Variants in DPYD observed in about 807,000 individuals in gnomAD.
The protein encoded by DPYD is dihydropyrimidine dehydrogenase [NADP(+)].
A neutral mutation model predicts 116.2 loss-of-function variants in DPYD; 109 were observed. The ratio of observed to expected loss-of-function variants is 0.94; its 90% CI spans 0.80 to 1.10. DPYD has a LOEUF of 1.10. Among genes scored for constraint, DPYD ranks in the 50% least tolerant of loss-of-function variants. DPYD has a pLI of 0.00. For missense variants in DPYD, 1,302 were observed against 1,254.5 expected (o/e 1.04, Z -0.57); for synonymous variants, 440 against 432.0 (o/e 1.02, Z -0.23).
intron 3 of DPYD, among the ~76,000 whole-genome samples, chr1:97,806,219 C>A (rs1353112193): frequency 1.3e-5 from 2 of 151,896 alleles, no homozygotes; most frequent in African/African-American, 2.4e-5. Context: ...TATAATCTTA[C>A]ACATTTTATT....
chr1:97,155,522 C>A (rs897344878), intron 20 of DPYD, among the ~76,000 whole-genome samples: 1 of 152,116 alleles, frequency 6.6e-6, no homozygotes, highest in Non-Finnish European at 1.5e-5. Flanking sequence ...TTTTTATTAT[C>A]CTAATACACT....
At chr1:97,655,833 T>G (rs1459451431) in intron 8 of DPYD, among the ~76,000 whole-genome samples, 1 of 152,168 alleles carries the variant, frequency 6.6e-6, no homozygotes, top group East Asian at 1.9e-4. Flanking sequence ...AACAGAAATA[T>G]TGACGTTAAA....
intron 21 of DPYD, among the ~76,000 whole-genome samples, chr1:97,096,550 T>C (rs12403912): frequency 0.16 from 24,445 of 151,980 alleles, 2,367 homozygotes; most frequent in East Asian, 0.36. Flanking sequence ...TACAAGAGGA[T>C]TGTAAAATGC....
At chr1:97,113,664 T>A (rs1366511915) in intron 20 of DPYD, among the ~76,000 whole-genome samples, 1 of 152,144 alleles carries the variant, frequency 6.6e-6, no homozygotes, top group African/African-American at 2.4e-5. Flanking sequence ...CAGTTATAAG[T>A]ACTACCAAAA....
intron 5 of DPYD, among the ~76,000 whole-genome samples, chr1:97,705,387 G>T (rs1049308279): frequency 3.3e-5 from 5 of 151,860 alleles, no homozygotes; most frequent in South Asian, 2.1e-4. Context: ...GCAGTGTTTG[G>T]TTTTTTTGTC....
chr1:97,261,632 TTACTTCTG>T (rs1459602026), intron 18 of DPYD, among the ~76,000 whole-genome samples: 5 of 151,830 alleles, frequency 3.3e-5, no homozygotes, highest in Non-Finnish European at 7.4e-5. Flanking sequence ...AGTTCCAAAA[TTACTTCTG>T]AAGGTAGCAA....
At chr1:97,826,688 CT>C (rs1669259764) in intron 3 of DPYD, among the ~76,000 whole-genome samples, 1 of 152,056 alleles carries the variant, frequency 6.6e-6, no homozygotes, top group Admixed American at 6.6e-5. Flanking sequence ...TTCATAATTT[CT>C]GCATTAGCTT....
intron 14 of DPYD, among the ~76,000 whole-genome samples, chr1:97,430,078 C>G (rs901953279): frequency 1.3e-5 from 2 of 152,080 alleles, no homozygotes; most frequent in African/African-American, 2.4e-5. Flanking sequence ...CTCTGGCATT[C>G]AGTGTCTCTA....
intron 16 of DPYD, among the ~76,000 whole-genome samples, chr1:97,322,082 G>T (rs1290030422): frequency 2.0e-4 from 21 of 103,260 alleles, no homozygotes; most frequent in African/African-American, 7.6e-4. Context: ...TGGGGACTGT[G>T]GTGGGGTGGG....
intron 16 of DPYD, among the ~76,000 whole-genome samples, chr1:97,360,699 C>T (rs1429396651): frequency 6.6e-5 from 10 of 152,046 alleles, no homozygotes; most frequent in South Asian, 4.1e-4. Flanking sequence ...TGCTCCTGAA[C>T]GACTACTGGG....
chr1:97,351,891 T>C (rs1041754380), intron 16 of DPYD, among the ~76,000 whole-genome samples: 1 of 152,200 alleles, frequency 6.6e-6, no homozygotes, highest in Non-Finnish European at 1.5e-5. Flanking sequence ...CAGATTTTGA[T>C]GTAACTCACT....
chr1:97,822,236 C>CTCTA lies in DPYD; in HGVS notation c.233+5877_233+5878insTAGA, dbSNP rs1201970788. On this transcript the variant is annotated intron_variant, in intron 3 of 22. Coordinates refer to ENST00000370192, the MANE Select transcript of DPYD (RefSeq NM_000110.4). ...AGCAATTTTGTTTCTCTCTCTCTCT[C>CTCTA]TATATATATATACACACACACAGAT... is the stretch of plus-strand genomic sequence containing the variant. Among the ~76,000 whole-genome samples, 367 of 148,890 alleles carry CTCTA rather than the reference C, an allele frequency of 2.5e-3. 2 individuals are homozygous for CTCTA. The highest frequency in any genetic ancestry group is 8.2e-3 in the African/African-American group (332 of 40,556).
intron 11 of DPYD, among the ~76,000 whole-genome samples, chr1:97,558,665 C>T (rs1331636870): frequency 2.0e-5 from 3 of 152,102 alleles, no homozygotes; most frequent in African/African-American, 7.2e-5. Context: ...TTAGGCTCCC[C>T]AAGTTGAATG....
At chr1:97,185,061 A>G (rs1199708291) in intron 20 of DPYD, among the ~76,000 whole-genome samples, 1 of 152,178 alleles carries the variant, frequency 6.6e-6, no homozygotes, top group Non-Finnish European at 1.5e-5. Context: ...GCTGAAGGCC[A>G]TTATTATGAT....
At chr1:97,316,910 T>C (rs1039112718) in intron 16 of DPYD, among the ~76,000 whole-genome samples, 1 of 151,794 alleles carries the variant, frequency 6.6e-6, no homozygotes, top group Non-Finnish European at 1.5e-5. Context: ...TATTCCCAGG[T>C]CTATTTCCCT....
At chr1:97,278,742 G>C (rs1665116459) in intron 18 of DPYD, among the ~76,000 whole-genome samples, 2 of 152,264 alleles carry the variant, frequency 1.3e-5, no homozygotes, top group South Asian at 4.1e-4. Flanking sequence ...GATGCAAAGG[G>C]CTAGAGAAAT....
chr1:97,880,576 C>G (rs1211625158), intron 2 of DPYD, among the ~76,000 whole-genome samples: 2 of 151,774 alleles, frequency 1.3e-5, no homozygotes, highest in Non-Finnish European at 2.9e-5. Flanking sequence ...TTCAAACTAA[C>G]AGACATCAGT....
chr1:97,842,977 T>C (rs2101539738), intron 2 of DPYD, among the ~76,000 whole-genome samples: 1 of 152,248 alleles, frequency 6.6e-6, no homozygotes, highest in African/African-American at 2.4e-5. Flanking sequence ...TCTTGTTCTG[T>C]ACTCACTGGA....
chr1:97,422,896 C>T (rs995365840), intron 14 of DPYD, among the ~76,000 whole-genome samples: 6 of 151,748 alleles, frequency 4.0e-5, no homozygotes, highest in African/African-American at 1.5e-4. Context: ...TACAGTTCAC[C>T]CTTTCAGGCA....
Sources: gnomAD v4.1 joint callset for allele counts (sites outside exome capture counted in the v4.1 genomes callset) on GRCh38, gnomAD v4.1.1 for gene constraint, MANE v1.5 for transcripts, NCBI Gene and HGNC (gene_info 2026-07-23, HGNC 2026-07-21) for gene names.